The following PARP8 variants were observed in gnomAD, a reference collection of about 807,000 sequenced individuals.
The protein encoded by PARP8 is protein mono-ADP-ribosyltransferase PARP8.
In PARP8, 51 loss-of-function variants were observed where a neutral mutation model predicts 124.1. The observed-to-expected ratio is 0.41, with a 90% CI of 0.33 to 0.52. The LOEUF (loss-of-function observed/expected upper bound fraction) is 0.52. Ranked by LOEUF, PARP8 falls within the 20% of genes least tolerant of loss-of-function variation. The probability of loss-of-function intolerance (pLI) is 0.21; values close to 1 mark genes in which losing one functional copy is unlikely to be tolerated. For missense variants in PARP8, 860 were observed against 1,018.9 expected (o/e 0.84, Z 2.12); for synonymous variants, 391 against 361.5 (o/e 1.08, Z -0.93).
rs1030133219 is a variant in PARP8, at chr5:50,842,538, G to C, written c.*470G>C. ...AGTAGTATGGGCATTCTAATGTTTT[G>C]GAAGGGGTGTTCCCTATTCTATTTT... On this transcript the variant is annotated 3_prime_UTR_variant, in exon 26 of 26. Transcript: ENST00000281631. 6.5e-6 allele frequency: 1 copy of C among 153,132 alleles called. No individual in the cohort carries two copies. The highest frequency in any genetic ancestry group is 6.6e-5 in the Admixed American group (1 of 15,174). The allele number at this position is 153,132 out of a possible 1,614,324, so 9.5% of individuals were successfully genotyped here. A position where few individuals can be genotyped will look rare whatever the true frequency, so the allele number is the denominator to read the frequency against.
chr5:50,704,429 T>TA (rs911194191), intron 2 of PARP8, among the ~76,000 whole-genome samples: 49 of 152,290 alleles, frequency 3.2e-4, no homozygotes, highest in African/African-American at 1.1e-3. Flanking sequence ...CGTGCTCACT[T>TA]ACCTTATTTG....
chr5:50,747,888 C>T (rs1290193541), intron 2 of PARP8, among the ~76,000 whole-genome samples: 6 of 150,576 alleles, frequency 4.0e-5, no homozygotes, highest in Non-Finnish European at 8.9e-5. Flanking sequence ...TTCTCCTGCC[C>T]CAGCCTCCCG....
intron 2 of PARP8, among the ~76,000 whole-genome samples, chr5:50,729,780 G>A (rs1304047335): frequency 6.6e-6 from 1 of 152,116 alleles, no homozygotes; most frequent in Non-Finnish European, 1.5e-5. Context: ...GACAGCTTCA[G>A]TATCCTTCTT....
intron 2 of PARP8, among the ~76,000 whole-genome samples, chr5:50,684,450 A>G (rs1751630978): frequency 7.4e-6 from 1 of 135,788 alleles, no homozygotes; most frequent in South Asian, 2.4e-4. Context: ...ATATGAAATC[A>G]GGGGCTGAAA....
chr5:50,843,311 A>G lies in PARP8; in HGVS notation c.*1243A>G, dbSNP rs1453497470. On this transcript the variant is annotated 3_prime_UTR_variant, in exon 26 of 26. Transcript: ENST00000281631. ...TAAGGCCATTCATGAAAGCAGTTTA[A>G]TTAGTGAGTCTGCCACTCTATTCAA... The G allele has an allele frequency of 6.6e-6, 1 of 151,714 alleles. No homozygotes were observed. Among genetic ancestry groups the G allele is most frequent in the Non-Finnish European group, 1.5e-5 (1 of 67,798 alleles). The allele number at this position is 151,714 out of a possible 1,614,324, so 9.4% of individuals were successfully genotyped here. A position where few individuals can be genotyped will look rare whatever the true frequency, so the allele number is the denominator to read the frequency against.
At chr5:50,766,476 A>G (rs531514861) in intron 7 of PARP8, among the ~76,000 whole-genome samples, 54 of 152,366 alleles carry the variant, frequency 3.5e-4, no homozygotes, top group African/African-American at 1.2e-3. Context: ...CAGAAAATTC[A>G]TATTTGTTTA....
intron 14 of PARP8, among the ~76,000 whole-genome samples, chr5:50,800,281 T>A (rs1415432448): frequency 6.6e-6 from 1 of 152,238 alleles, no homozygotes; most frequent in Non-Finnish European, 1.5e-5. Context: ...CATGTTAATC[T>A]TTTATACTGC....
intron 2 of PARP8, among the ~76,000 whole-genome samples, chr5:50,710,276 C>T (rs1754640808): frequency 6.6e-6 from 1 of 151,862 alleles, no homozygotes; most frequent in African/African-American, 2.4e-5. Context: ...GATCCAGTTG[C>T]ATGTCTGGTT....
intron 2 of PARP8, among the ~76,000 whole-genome samples, chr5:50,693,881 A>G (rs1046111177): frequency 1.3e-5 from 2 of 151,846 alleles, no homozygotes; most frequent in African/African-American, 2.4e-5. Context: ...TAATGTGTTA[A>G]CAATTTGATA....
At chr5:50,797,092 C>T (rs1476256033) in intron 13 of PARP8, 46 bp from the exon 14 acceptor site, 2 of 1,607,182 alleles carry the variant, frequency 1.2e-6, no homozygotes, top group Non-Finnish European at 1.7e-6. Flanking sequence ...GTTTTTAAAT[C>T]ATTTATGAGC....
At chr5:50,727,297 C>T (rs761911792) in intron 2 of PARP8, among the ~76,000 whole-genome samples, 6 of 152,098 alleles carry the variant, frequency 3.9e-5, no homozygotes, top group Non-Finnish European at 7.4e-5. Flanking sequence ...CTTTTGCGTG[C>T]CAACTACTCC....
At position 50,760,312 on chromosome 5, in the gene PARP8, A is replaced by G. The variant is rs780342832; in HGVS notation, c.295A>G (p.Ile99Val). ...TTCAGAATTAAGAAAAACAAATGACATTAACTGTTGCTTATCCATAAAATC... is the reference window on the plus strand; with the variant it reads ...TTCAGAATTAAGAAAAACAAATGACGTTAACTGTTGCTTATCCATAAAATC... ...IATELRKTNDINCCLSIKSKL... is the reference protein window; with the variant it reads ...IATELRKTNDVNCCLSIKSKL... The change falls in exon 5 of 26, where the codon ATT (isoleucine) becomes GTT (valine). Residue 99 changes from isoleucine (I) to valine (V), a missense_variant. This residue lies in a region of PARP8 where 517 missense variants were observed against 544.2 expected (regional missense o/e 0.95). Transcript: ENST00000281631. 9 of 1,528,416 alleles carry G rather than the reference A, an allele frequency of 5.9e-6. No individual in the cohort carries two copies. In the Admixed American group the frequency reaches 1.7e-4, roughly 29 times the overall value. The allele number at this position is 1,528,416 out of a possible 1,614,324, so 94.7% of individuals were successfully genotyped here. A position where few individuals can be genotyped will look rare whatever the true frequency, so the allele number is the denominator to read the frequency against.
chr5:50,673,799 T>C (rs980901966), intron 2 of PARP8, among the ~76,000 whole-genome samples: 7 of 152,360 alleles, frequency 4.6e-5, no homozygotes, highest in African/African-American at 1.7e-4. Context: ...GGAATCCTTA[T>C]GCAAACATTT....
chr5:50,761,682 T>G (rs373728060), intron 5 of PARP8, 139 bp from the exon 6 acceptor site: 3 of 503,432 alleles, frequency 6.0e-6, no homozygotes, highest in Non-Finnish European at 3.5e-6. Context: ...CCTTTTGTTC[T>G]GGGGTTTTAC....
intron 14 of PARP8, among the ~76,000 whole-genome samples, chr5:50,813,565 C>A (rs1744728201): frequency 6.6e-6 from 1 of 152,090 alleles, no homozygotes; most frequent in African/African-American, 2.4e-5. Flanking sequence ...TCCTCTTTTC[C>A]TAATTGGATA....
intron 2 of PARP8, among the ~76,000 whole-genome samples, chr5:50,739,370 C>T (rs1757791021): frequency 6.6e-6 from 1 of 150,766 alleles, no homozygotes; most frequent in Non-Finnish European, 1.5e-5. Flanking sequence ...TGCTTTTACT[C>T]ATTCGTTAAT....
Position 50,842,547 on chromosome 5 carries a change from G to A in PARP8, c.*479G>A, listed in dbSNP as rs1469067716. On this transcript the variant is annotated 3_prime_UTR_variant, in exon 26 of 26. Transcript: ENST00000281631. ...GGCATTCTAATGTTTTGGAAGGGGT[G>A]TTCCCTATTCTATTTTTCTTCATAA... is the stretch of plus-strand genomic sequence containing the variant. The A allele has an allele frequency of 2.6e-5, 4 of 152,968 alleles. No individual in the cohort carries two copies. The highest frequency in any genetic ancestry group is 1.3e-4 in the Admixed American group (2 of 15,170). The allele number at this position is 152,968 out of a possible 1,614,324, so 9.5% of individuals were successfully genotyped here. A position where few individuals can be genotyped will look rare whatever the true frequency, so the allele number is the denominator to read the frequency against.
chr5:50,724,667 T>G (rs1756232977), intron 2 of PARP8, among the ~76,000 whole-genome samples: 1 of 152,136 alleles, frequency 6.6e-6, no homozygotes, highest in South Asian at 2.1e-4. Context: ...GCAATACATA[T>G]TACAATTTTG....
intron 2 of PARP8, among the ~76,000 whole-genome samples, chr5:50,680,619 T>G (rs1164366499): frequency 6.6e-6 from 1 of 152,204 alleles, no homozygotes; most frequent in Non-Finnish European, 1.5e-5. Flanking sequence ...TGCTTAAGTG[T>G]ATGGTTCTCA....
Sources: gnomAD v4.1 joint callset for allele counts (sites outside exome capture counted in the v4.1 genomes callset) on GRCh38, gnomAD v4.1.1 for gene constraint, gnomAD v4.1.1 regional missense constraint, MANE v1.5 for transcripts, NCBI Gene and HGNC (gene_info 2026-07-23, HGNC 2026-07-21) for gene names.